Variants in NRXN3 observed in about 807,000 individuals in gnomAD.
NRXN3 encodes the protein neurexin 3.
In NRXN3, 32 loss-of-function variants were observed where a neutral mutation model predicts 137.6. The observed-to-expected ratio is 0.23, with a 90% CI of 0.18 to 0.31. NRXN3 has a LOEUF of 0.31. Among genes scored for constraint, NRXN3 ranks in the 10% least tolerant of loss-of-function variants. The pLI is 1.00. For missense variants in NRXN3, 1,574 were observed against 2,062.5 expected (o/e 0.76, Z 4.59); for synonymous variants, 798 against 784.5 (o/e 1.02, Z -0.29).
chr14:79,118,951 G>C (rs1050336870), intron 15 of NRXN3, among the ~76,000 whole-genome samples: 12 of 152,136 alleles, frequency 7.9e-5, no homozygotes, highest in Non-Finnish European at 1.5e-4. Context: ...TTTCTTTTCT[G>C]AGGGGTCTTT....
intron 4 of NRXN3, among the ~76,000 whole-genome samples, chr14:78,381,520 T>A (rs1286937381): frequency 6.6e-6 from 1 of 152,184 alleles, no homozygotes; most frequent in East Asian, 1.9e-4. Context: ...GTTTGACAAT[T>A]TTTAAAAACT....
At chr14:78,862,160 C>G (rs1043285669) in intron 10 of NRXN3, among the ~76,000 whole-genome samples, 1 of 151,952 alleles carries the variant, frequency 6.6e-6, no homozygotes, top group Non-Finnish European at 1.5e-5. Context: ...TTAGGGAGAC[C>G]TTTCTAGTTG....
chr14:78,199,387 G>A (rs530145613), intron 1 of NRXN3, among the ~76,000 whole-genome samples: 9 of 152,274 alleles, frequency 5.9e-5, no homozygotes, highest in Admixed American at 5.9e-4. Context: ...TTTCTTGAAA[G>A]TAGCAATAAT....
At chr14:78,954,493 C>T (rs1317340422) in intron 10 of NRXN3, among the ~76,000 whole-genome samples, 1 of 151,990 alleles carries the variant, frequency 6.6e-6, no homozygotes, top group Non-Finnish European at 1.5e-5. Context: ...GAGATGGAGT[C>T]TCGCTCTGTC....
chr14:78,638,717 G>A (rs1305171645), intron 4 of NRXN3, among the ~76,000 whole-genome samples: 1 of 152,162 alleles, frequency 6.6e-6, no homozygotes, highest in Non-Finnish European at 1.5e-5. Flanking sequence ...TGGATTCTTA[G>A]CAGGTTGGAT....
intron 4 of NRXN3, among the ~76,000 whole-genome samples, chr14:78,573,288 A>G (rs2096906771): frequency 6.6e-6 from 1 of 152,182 alleles, no homozygotes; most frequent in African/African-American, 2.4e-5. Context: ...GTTCTGCTAT[A>G]AAGATACCCA....
At chr14:78,737,967 C>T (rs1015834525) in intron 8 of NRXN3, among the ~76,000 whole-genome samples, 1 of 152,088 alleles carries the variant, frequency 6.6e-6, no homozygotes, top group Non-Finnish European at 1.5e-5. Flanking sequence ...TCTTGTACAA[C>T]GGAAGCCAAT....
chr14:79,330,421 C>A (rs1023029103), intron 15 of NRXN3, among the ~76,000 whole-genome samples: 1 of 152,082 alleles, frequency 6.6e-6, no homozygotes, highest in Non-Finnish European at 1.5e-5. Context: ...AAATGGATAG[C>A]CATTCATTCC....
At chr14:78,296,529 G>A (rs2153525081) in intron 3 of NRXN3, among the ~76,000 whole-genome samples, 1 of 152,194 alleles carries the variant, frequency 6.6e-6, no homozygotes, top group Admixed American at 6.5e-5. Context: ...GACCCAAAAT[G>A]AATTTTTTGA....
chr14:79,611,380 A>G (rs2098098151), intron 16 of NRXN3: 2 of 152,258 alleles, frequency 1.3e-5, no homozygotes, highest in Non-Finnish European at 2.9e-5. Flanking sequence ...CGGGCGGATC[A>G]CAAGGTCAGG....
chr14:78,764,617 G>A (rs559464922), intron 8 of NRXN3, among the ~76,000 whole-genome samples: 1 of 152,296 alleles, frequency 6.6e-6, no homozygotes, highest in African/African-American at 2.4e-5. Flanking sequence ...TTACAAAAAT[G>A]TTAAGAATTC....
At chr14:79,839,932 G>A (rs2099352302) in intron 20 of NRXN3, among the ~76,000 whole-genome samples, 1 of 152,190 alleles carries the variant, frequency 6.6e-6, no homozygotes, top group African/African-American at 2.4e-5. Flanking sequence ...TGATGTATCA[G>A]TAAGATGATA....
chr14:79,407,507 C>G (rs1471439067), intron 15 of NRXN3, among the ~76,000 whole-genome samples: 2 of 152,070 alleles, frequency 1.3e-5, no homozygotes, highest in Non-Finnish European at 2.9e-5. Context: ...GTTTAAATGA[C>G]AGAACTCTCA....
rs118188058 is a variant in NRXN3 at position 78,351,871 on chromosome 14, T to C, written c.757+54011T>C. On this transcript the variant is annotated intron_variant, in intron 4 of 20. Transcript: ENST00000335750. Reference sequence around the variant, plus strand: ...GGCTCTCCATAGGTTGTATTTTTTATGCCTTATTAAAAAAAATCTCCTCCT... The same window carrying C: ...GGCTCTCCATAGGTTGTATTTTTTACGCCTTATTAAAAAAAATCTCCTCCT... Among the ~76,000 whole-genome samples the C allele has an allele frequency of 8.0e-4, 121 of 151,960 alleles. No homozygotes were observed. The East Asian group carries it at 0.02, about 25-fold the overall frequency.
At chr14:78,868,782 T>C (rs1439080908) in intron 10 of NRXN3, among the ~76,000 whole-genome samples, 2 of 151,366 alleles carry the variant, frequency 1.3e-5, no homozygotes, top group East Asian at 1.9e-4. Context: ...GATTGCACCA[T>C]TGCACTCCAG....
At chr14:79,109,929 T>A (rs2053173720) in intron 15 of NRXN3, among the ~76,000 whole-genome samples, 2 of 152,070 alleles carry the variant, frequency 1.3e-5, no homozygotes, top group African/African-American at 4.8e-5. Context: ...TATAAAAAGT[T>A]ACTAACAACC....
intron 4 of NRXN3, among the ~76,000 whole-genome samples, chr14:78,385,362 AT>A (rs1453033313): frequency 6.6e-6 from 1 of 151,976 alleles, no homozygotes; most frequent in Non-Finnish European, 1.5e-5. Context: ...ATCATAAAAA[AT>A]TATGAAAAGT....
At chr14:78,584,148 A>T (rs1387591938) in intron 4 of NRXN3, among the ~76,000 whole-genome samples, 1 of 152,092 alleles carries the variant, frequency 6.6e-6, no homozygotes, top group Non-Finnish European at 1.5e-5. Context: ...GTCACCTCTC[A>T]GATTAGTGGA....
chr14:78,634,053 A>G (rs1008480301), intron 4 of NRXN3, among the ~76,000 whole-genome samples: 1 of 152,176 alleles, frequency 6.6e-6, no homozygotes, highest in African/African-American at 2.4e-5. Context: ...TCTGCTGTGG[A>G]AAGGAAAAGC....
Sources: gnomAD v4.1 joint callset for allele counts (sites outside exome capture counted in the v4.1 genomes callset) on GRCh38, gnomAD v4.1.1 for gene constraint, MANE v1.5 for transcripts, NCBI Gene and HGNC (gene_info 2026-07-23, HGNC 2026-07-21) for gene names.